CDKAL1: variants seen among roughly 807,000 people sequenced by gnomAD.
CDKAL1 encodes the protein threonylcarbamoyladenosine tRNA methylthiotransferase.
In CDKAL1, 32 loss-of-function variants were observed where a neutral mutation model predicts 68.2. The observed-to-expected ratio is 0.47, with a 90% CI of 0.35 to 0.63. CDKAL1 has a LOEUF of 0.63. Ranked by LOEUF, CDKAL1 falls within the 30% of genes least tolerant of loss-of-function variation. The pLI is 0.00. For missense variants in CDKAL1, 606 were observed against 696.7 expected (o/e 0.87, Z 1.47); for synonymous variants, 234 against 244.3 (o/e 0.96, Z 0.39).
intron 11 of CDKAL1, among the ~76,000 whole-genome samples, chr6:21,032,596 G>A (rs187973212): frequency 6.6e-6 from 1 of 152,060 alleles, no homozygotes; most frequent in African/African-American, 2.4e-5. Flanking sequence ...ATATGTTGGT[G>A]GTCCCATAAG....
At chr6:21,183,145 T>A (rs1322768057) in intron 13 of CDKAL1, among the ~76,000 whole-genome samples, 1 of 152,122 alleles carries the variant, frequency 6.6e-6, no homozygotes, top group African/African-American at 2.4e-5. Flanking sequence ...AGGTTTTTTT[T>A]TTTTTTCCAG....
chr6:20,784,412 CTTTTTTTTTTTT>C (rs1175015329), intron 8 of CDKAL1, among the ~76,000 whole-genome samples: 111 of 33,492 alleles, frequency 3.3e-3, no homozygotes, highest in African/African-American at 0.012. Flanking sequence ...TATTTTATTT[CTTTTTTTTTTTT>C]TTTTTTTTTT....
intron 5 of CDKAL1, among the ~76,000 whole-genome samples, chr6:20,680,827 T>G (rs542292134): frequency 1.1e-3 from 167 of 152,360 alleles, no homozygotes; most frequent in African/African-American, 3.7e-3. Flanking sequence ...CAATGATGCT[T>G]CTGTTCAGCA....
chr6:21,135,224 A>C (rs1055575824), intron 13 of CDKAL1, among the ~76,000 whole-genome samples: 20 of 152,044 alleles, frequency 1.3e-4, no homozygotes, highest in Non-Finnish European at 2.9e-5. Flanking sequence ...TCTGAGTGAG[A>C]TTTTTGTCTT....
chr6:20,640,082 T>C (rs1348919052), intron 4 of CDKAL1, among the ~76,000 whole-genome samples: 2 of 152,250 alleles, frequency 1.3e-5, no homozygotes, highest in Non-Finnish European at 2.9e-5. Flanking sequence ...ATGATTTGTG[T>C]TACGTAAATA....
chr6:20,634,923 G>A (rs1767832288), intron 4 of CDKAL1, among the ~76,000 whole-genome samples: 1 of 143,300 alleles, frequency 7.0e-6, no homozygotes, highest in African/African-American at 2.6e-5. Context: ...GTTGCAGTGA[G>A]CCAAGACTGC....
At chr6:20,585,474 G>T (rs772179167) in intron 4 of CDKAL1, among the ~76,000 whole-genome samples, 1 of 152,132 alleles carries the variant, frequency 6.6e-6, no homozygotes, top group East Asian at 1.9e-4. Flanking sequence ...AGGACCTGCT[G>T]CTTCTCTTTC....
Position 21,108,463 on chromosome 6 carries a change from G to A in CDKAL1, c.1299G>A (p.Lys433=). Residue 433 remains lysine (K), a splice_region_variant and synonymous_variant, in exon 13 of 16, where the codon AAG becomes AAA. Coordinates refer to ENST00000274695, the MANE Select transcript of CDKAL1 (RefSeq NM_017774.3). ...ATTCTTACAGTCCATATGATCACAA[G>A]GTAAGAGAAGCATGTTAATAGCATA... The part of the protein sequence containing the change: ...VFHSYSPYDH[K]IGERQQVLVT... The A allele has an allele frequency of 6.3e-7, 1 of 1,584,360 alleles. No homozygotes were observed. Among genetic ancestry groups the A allele is most frequent in the East Asian group, 2.2e-5 (1 of 44,554 alleles).
At chr6:21,082,056 C>G (rs1361749904) in intron 12 of CDKAL1, among the ~76,000 whole-genome samples, 2 of 148,462 alleles carry the variant, frequency 1.3e-5, no homozygotes, top group Non-Finnish European at 2.9e-5. Flanking sequence ...ACATGAAACT[C>G]TTTTAAAACT....
chr6:20,716,205 AT>A (rs1772084712), intron 5 of CDKAL1, among the ~76,000 whole-genome samples: 1 of 152,216 alleles, frequency 6.6e-6, no homozygotes, highest in Admixed American at 6.6e-5. Flanking sequence ...TATTTTCAAA[AT>A]AAAAACAGGA....
intron 9 of CDKAL1, among the ~76,000 whole-genome samples, chr6:20,849,465 C>T (rs1282784762): frequency 6.6e-6 from 1 of 151,686 alleles, no homozygotes; most frequent in Non-Finnish European, 1.5e-5. Context: ...TGCCTATAGT[C>T]TCAGCTACTT....
chr6:21,166,351 AT>A (rs1003337131), intron 13 of CDKAL1, among the ~76,000 whole-genome samples: 1 of 152,168 alleles, frequency 6.6e-6, no homozygotes, highest in Non-Finnish European at 1.5e-5. Context: ...GTTTCAGGTG[AT>A]TAGATTTGGA....
At chr6:21,122,803 GTT>G (rs66935416) in intron 13 of CDKAL1, among the ~76,000 whole-genome samples, 91 of 105,798 alleles carry the variant, frequency 8.6e-4, no homozygotes, top group African/African-American at 1.7e-3. Context: ...CCCCAGTTAG[GTT>G]TTTTTTTTTT....
At chr6:20,772,694 A>AT (rs1774997435) in intron 7 of CDKAL1, 3 of 152,182 alleles carry the variant, frequency 2.0e-5, no homozygotes, top group Non-Finnish European at 4.4e-5. Flanking sequence ...TCATCTTTCC[A>AT]TGTTCTCTTC....
chr6:20,767,532 G>A (rs995590360), intron 7 of CDKAL1, among the ~76,000 whole-genome samples: 12 of 152,052 alleles, frequency 7.9e-5, no homozygotes, highest in African/African-American at 2.9e-4. Flanking sequence ...GTGAAAACTG[G>A]CACCACAAAG....
At chr6:20,755,655 A>G (rs911051219) in intron 6 of CDKAL1, among the ~76,000 whole-genome samples, 1 of 152,172 alleles carries the variant, frequency 6.6e-6, no homozygotes, top group African/African-American at 2.4e-5. Context: ...TAGATGCTCA[A>G]TAATTGATGA....
intron 8 of CDKAL1, among the ~76,000 whole-genome samples, chr6:20,845,688 G>A (rs1026401481): frequency 6.6e-6 from 1 of 152,144 alleles, no homozygotes; most frequent in Admixed American, 6.5e-5. Flanking sequence ...ACTATAGTGT[G>A]TATAAGGAAT....
intron 4 of CDKAL1, among the ~76,000 whole-genome samples, chr6:20,607,605 G>C (rs1006858659): frequency 1.3e-5 from 2 of 151,988 alleles, no homozygotes; most frequent in Non-Finnish European, 2.9e-5. Context: ...AATACAGTCA[G>C]TTCCTCTATT....
At chr6:20,885,369 A>C (rs1227863772) in intron 9 of CDKAL1, among the ~76,000 whole-genome samples, 1 of 152,210 alleles carries the variant, frequency 6.6e-6, no homozygotes, top group African/African-American at 2.4e-5. Context: ...AACCCATACA[A>C]CTGTAGCCAA....
Sources: gnomAD v4.1 joint callset for allele counts (sites outside exome capture counted in the v4.1 genomes callset) on GRCh38, gnomAD v4.1.1 for gene constraint, MANE v1.5 for transcripts, NCBI Gene and HGNC (gene_info 2026-07-23, HGNC 2026-07-21) for gene names.